Variants in NBPF14 observed in about 807,000 individuals in gnomAD.
The protein encoded by NBPF14 is NBPF member 14.
In NBPF14, 104 loss-of-function variants were observed where a neutral mutation model predicts 91.2. The observed-to-expected ratio is 1.14, with a 90% confidence interval of 0.97 to 1.34. NBPF14 has a LOEUF of 1.34. Among genes scored for constraint, NBPF14 ranks in the 40% most tolerant of loss-of-function variants. The pLI is 0.00. For missense variants in NBPF14, 908 were observed against 783.0 expected, an observed-to-expected ratio of 1.16 and a Z score of -1.91; for synonymous variants, 294 against 303.8, an observed-to-expected ratio of 0.97 and a Z score of 0.34.
intron 27 of NBPF14, 106 bp from the exon 28 acceptor site, chr1:148,567,109 G>C: frequency 6.3e-6 from 1 of 158,430 alleles, no homozygotes; most frequent in Non-Finnish European, 1.1e-5. Context: ...CTCAGCATGA[G>C]AACAGGACCA....
intron 14 of NBPF14, 40 bp from the exon 15 acceptor site, chr1:148,577,395 A>G (rs1660021755): frequency 7.7e-6 from 5 of 646,144 alleles, no homozygotes; most frequent in African/African-American, 1.9e-5. Context: ...GCCAGGGGGA[A>G]TCAGAAACCA....
intron 36 of NBPF14, among the ~76,000 whole-genome samples, chr1:148,560,171 G>C (rs1246226635): frequency 6.6e-6 from 1 of 151,202 alleles, no homozygotes; most frequent in African/African-American, 2.5e-5. Context: ...GAGAGAGACA[G>C]AGACAGAGAC....
chr1:148,577,524 G>C lies in NBPF14; in HGVS notation c.1854-169C>G, dbSNP rs1389423702. Among the ~76,000 whole-genome samples, 861 of 147,886 alleles carry C rather than the reference G, an allele frequency of 5.8e-3. 6 individuals are homozygous for C. Among genetic ancestry groups the C allele is most frequent in the Non-Finnish European group, 9.9e-3 (667 of 67,432 alleles). ...TGTTGGGATAGACTATGGCCAGGTA[G>C]AAAAGGATGAACGAGAAAGACACAC... On this transcript the variant is annotated intron_variant, in intron 14 of 70. Transcript: ENST00000619423.
At chr1:148,577,048 T>A (rs1343881179) in intron 15 of NBPF14, 135 bp downstream of exon 15, 8 of 662,472 alleles carry the variant, frequency 1.2e-5, no homozygotes, top group Non-Finnish European at 2.2e-5. Context: ...AGAGTTTCAT[T>A]CAACCTACAT....
rs1230979700 is a variant in NBPF14 at position 148,593,836 on chromosome 1, A to G, written c.176-136T>C. ...CCACGGTCTAGACAGGGATTTCCAC[A>G]TCTTTACTCTTCAGTCTCCTGACTT... On this transcript the variant is annotated intron_variant, in intron 2 of 70. Coordinates refer to ENST00000619423, the Ensembl canonical transcript of NBPF14. 4.0e-5 allele frequency: 33 copies of G among 818,860 alleles called. 2 individuals are homozygous for G. The Admixed American group carries it at 6.1e-4, about 15-fold the overall frequency. 50.7% of individuals were successfully genotyped at this position (818,860 alleles called of 1,614,324 possible).
At chr1:148,566,216 G>A (rs1311417552) in exon 29 of NBPF14, 1 of 584,706 alleles carries the variant, frequency 1.7e-6, no homozygotes, top group Non-Finnish European at 3.0e-6. Context: ...GCTGGCAGGA[G>A]TCAGGCTGTT....
chr1:148,534,603 T>A lies in NBPF14; in HGVS notation c.8614+81A>T, dbSNP rs1256347807. On this transcript the variant is annotated intron_variant, in intron 69 of 70. Transcript: ENST00000619423. Reference sequence around the variant, plus strand: ...GCGGCAATGACATCTCTCGGGTGAGTAAGGGCCACTTGGAATAGGAATATC... The same window carrying A: ...GCGGCAATGACATCTCTCGGGTGAGAAAGGGCCACTTGGAATAGGAATATC... The A allele has an allele frequency of 1.1e-4, 95 of 902,828 alleles. 2 individuals carry two copies. In the African/African-American group the frequency reaches 1.3e-3, roughly 12 times the overall value. 55.9% of individuals were successfully genotyped at this position (902,828 alleles called of 1,614,324 possible). A position where few individuals can be genotyped will look rare whatever the true frequency, so the allele number is the denominator to read the frequency against.
At chr1:148,572,768 A>G (rs1199397716) in intron 20 of NBPF14, among the ~76,000 whole-genome samples, 153 bp from the exon 21 acceptor site, 1 of 75,798 alleles carries the variant, frequency 1.3e-5, no homozygotes, top group Non-Finnish European at 2.4e-5. Context: ...ATGTTGGGAT[A>G]GAACAGGGCC....
At chr1:148,585,890 C>A (rs1176129279) in intron 9 of NBPF14, among the ~76,000 whole-genome samples, 55 of 149,360 alleles carry the variant, frequency 3.7e-4, no homozygotes, top group South Asian at 4.4e-4. Flanking sequence ...CACTCTCTGA[C>A]AGTTACTAAG....
intron 49 of NBPF14, among the ~76,000 whole-genome samples, chr1:148,550,032 A>G (rs1656003914): frequency 8.2e-6 from 1 of 122,058 alleles, no homozygotes; most frequent in Non-Finnish European, 1.6e-5. Context: ...AGGATTTTAC[A>G]CGCTGAAATT....
chr1:148,591,872 CT>C (rs1276672903), intron 4 of NBPF14, among the ~76,000 whole-genome samples: 2 of 147,568 alleles, frequency 1.4e-5, no homozygotes, highest in Non-Finnish European at 3.0e-5. Context: ...CTCATTCTTT[CT>C]CTTAGGAGAG....
rs1658233370 is a variant in NBPF14 at position 148,566,217 on chromosome 1, T to A, written c.3641A>T (p.Asp1214Val). ...GGAACTTCCATAGGGCTGGCAGGAGTCAGGCTGTTCAAGACAACTGGAAGG... is the reference window on the plus strand; with the variant it reads ...GGAACTTCCATAGGGCTGGCAGGAGACAGGCTGTTCAAGACAACTGGAAGG... The change falls in exon 29 of 71, where the codon GAC (aspartate) becomes GTC (valine). Residue 1214 changes from aspartate to valine, a missense_variant. Physicochemically the swap from Asp to Val is radical, Grantham distance 152. This residue lies in a region of NBPF14 where 447 missense variants were observed against 189.1 expected (regional missense o/e 2.36). Coordinates refer to ENST00000619423, the Ensembl canonical transcript of NBPF14. The A allele has an allele frequency of 1.2e-4, 71 of 577,078 alleles. 10 individuals are homozygous for A. The highest frequency in any genetic ancestry group is 1.2e-3 in the South Asian group (70 of 58,880). The allele number at this position is 577,078 out of a possible 1,614,324, so 35.7% of individuals were successfully genotyped here.
rs1656642860 is a variant in NBPF14, at chr1:148,556,723, C to A, written c.5146G>T (p.Glu1716Ter). 2 of 131,976 alleles carry A rather than the reference C, an allele frequency of 1.5e-5. No homozygotes were observed. The highest frequency in any genetic ancestry group is 1.5e-4 in the Admixed American group (1 of 6,470). The allele number at this position is 131,976 out of a possible 1,614,324, so 8.2% of individuals were successfully genotyped here. Residue 1716 changes from glutamate (E) to a stop codon, truncating the protein, a stop_gained, in exon 41 of 71, where the codon GAA (glutamate) becomes TAA (stop). Coordinates refer to ENST00000619423, the Ensembl canonical transcript of NBPF14. LOFTEE classifies it high-confidence loss of function. ...TCAAGAGAAAAGCCAACATGTTTTT[C>A]CTCCAATGCATAAAAGGAACTTCCA...
In NBPF14 at chr1:148,559,846, C is replaced by T. The variant is rs1357344090; in HGVS notation, c.4676G>A (p.Ser1559Asn). The T allele has an allele frequency of 5.8e-3, 8,915 of 1,525,400 alleles. 607 individuals are homozygous for T. Among genetic ancestry groups the T allele is most frequent in the Non-Finnish European group, 6.1e-3 (6,931 of 1,138,840 alleles). The allele number at this position is 1,525,400 out of a possible 1,614,324, so 94.5% of individuals were successfully genotyped here. Residue 1559 changes from serine (S) to asparagine (N), a missense_variant, in exon 37 of 71, where the codon AGT becomes AAT. Ser to Asn is a conservative substitution (Grantham distance 46). Transcript: ENST00000619423. ...CTGCTGCTCCAATATGTAAAAGGCA[C>T]TTCTATAGGGCTGGCATGAGTCAGT...
intron 20 of NBPF14, 63 bp from the exon 21 acceptor site, chr1:148,572,678 T>A: frequency 2.9e-6 from 2 of 678,068 alleles, no homozygotes; most frequent in East Asian, 2.6e-5. Context: ...CAGCCCCAGC[T>A]AGATTTCATG....
Position 148,542,162 on chromosome 1 carries a change from C to G in NBPF14, c.7376-323G>C, listed in dbSNP as rs1367922063. Reference sequence around the variant, plus strand: ...CAAATGATTTCTAGGAGAAAAACTGCAATATTTAGCCCTGTCTCAACAAAT... The same window carrying G: ...CAAATGATTTCTAGGAGAAAAACTGGAATATTTAGCCCTGTCTCAACAAAT... On this transcript the variant is annotated intron_variant, in intron 59 of 70. Coordinates refer to ENST00000619423, the Ensembl canonical transcript of NBPF14. Among the ~76,000 whole-genome samples, 14 of 104,694 alleles carry G rather than the reference C, an allele frequency of 1.3e-4. 1 individual carries two copies. In the East Asian group the frequency reaches 5.9e-3, roughly 44 times the overall value. 68.7% of individuals were successfully genotyped at this position (104,694 alleles called of 152,430 possible). A position where few individuals can be genotyped will look rare whatever the true frequency, so the allele number is the denominator to read the frequency against.
Position 148,594,899 on chromosome 1 carries a change from T to C in NBPF14, c.175+644A>G, listed in dbSNP as rs1166168142. Among the ~76,000 whole-genome samples the C allele has an allele frequency of 2.8e-4, 29 of 102,298 alleles. 1 individual carries two copies. Among genetic ancestry groups the C allele is most frequent in the East Asian group, 1.5e-3 (5 of 3,300 alleles). 67.1% of individuals were successfully genotyped at this position (102,298 alleles called of 152,430 possible). On this transcript the variant is annotated intron_variant, in intron 2 of 70. Coordinates refer to ENST00000619423, the Ensembl canonical transcript of NBPF14. ...TTTTAGTGGAGATGGGGTTTCTCCA[T>C]GTTGCCCAGGCTAGTCTCAAACTGC...
chr1:148,575,891 A>G lies in NBPF14; in HGVS notation c.2079-80T>C, dbSNP rs1659604066. The G allele has an allele frequency of 2.0e-4, 61 of 299,482 alleles. 1 individual carries two copies. The highest frequency in any genetic ancestry group is 2.1e-3 in the Middle Eastern group (2 of 944). The allele number at this position is 299,482 out of a possible 1,614,324, so 18.6% of individuals were successfully genotyped here. A position where few individuals can be genotyped will look rare whatever the true frequency, so the allele number is the denominator to read the frequency against. The stretch of plus-strand genomic sequence containing the variant: ...GCCCCAGCTAGATTTCATGGCTAAC[A>G]TAAGGAACTGTTTAAAAAGAAAAAG... On this transcript the variant is annotated intron_variant, in intron 16 of 70. Transcript: ENST00000619423.
chr1:148,534,670 A>G lies in NBPF14; in HGVS notation c.8614+14T>C, dbSNP rs2149472613. The G allele has an allele frequency of 1.2e-6, 1 of 804,562 alleles. No homozygotes were observed. The highest frequency in any genetic ancestry group is 2.2e-6 in the Non-Finnish European group (1 of 448,530). 49.8% of individuals were successfully genotyped at this position (804,562 alleles called of 1,614,324 possible). A position where few individuals can be genotyped will look rare whatever the true frequency, so the allele number is the denominator to read the frequency against. ...CCAGGTGGAGGCTTATCACCTTCAT[A>G]GTAAGGTACTCACTGTCCACGTCAA... is the stretch of plus-strand genomic sequence containing the variant. On this transcript the variant is annotated intron_variant, in intron 69 of 70. Coordinates refer to ENST00000619423, the Ensembl canonical transcript of NBPF14.
Sources: allele counts gnomAD v4.1 joint callset (sites outside exome capture counted in the v4.1 genomes callset), GRCh38; gene constraint gnomAD v4.1.1; regional missense constraint gnomAD v4.1.1; transcripts MANE v1.5; gene names NCBI Gene and HGNC (gene_info 2026-07-23, HGNC 2026-07-21).